Variants in USP26 observed in about 807,000 individuals in gnomAD.
USP26 encodes ubiquitin specific peptidase 26, also known as ubiquitin carboxyl-terminal hydrolase 26.
For missense variants in USP26, 649 were observed against 642.3 expected, an observed-to-expected ratio of 1.01 and a Z score of -0.11; for synonymous variants, 236 against 240.6, an observed-to-expected ratio of 0.98 and a Z score of 0.18.
chrX:133,083,232 A>G (rs2067576028), intron 5 of USP26, among the ~76,000 whole-genome samples: 1 of 112,265 alleles, frequency 8.9e-6, no homozygotes, highest in African/African-American at 3.2e-5. Context: ...AATTTTATAA[A>G]CATCCCTCTG....
At chrX:133,038,516 G>A (rs750543922) in intron 5 of USP26, among the ~76,000 whole-genome samples, 47 of 111,556 alleles carry the variant, frequency 4.2e-4, no homozygotes, top group African/African-American at 1.0e-3. Context: ...GGACGAAGCC[G>A]GCTTGATTGT....
Position 133,024,631 on chromosome X carries a change from T to G in USP26, c.*848A>C, listed in dbSNP as rs2148524242. On this transcript the variant is annotated 3_prime_UTR_variant, in exon 6 of 6. Coordinates refer to ENST00000511190, the MANE Select transcript of USP26 (RefSeq NM_031907.3). The stretch of plus-strand genomic sequence containing the variant: ...CCAAATTGCAGAGTATGATCAGAAG[T>G]GATTTTTGTGAGTTTGGCTTTTAAT... The G allele has an allele frequency of 8.9e-6, 1 of 112,419 alleles. No homozygotes were observed. Among genetic ancestry groups the G allele is most frequent in the South Asian group, 3.7e-4 (1 of 2,709 alleles). The allele number at this position is 112,419 out of a possible 1,213,427, so 9.3% of individuals were successfully genotyped here. A position where few individuals can be genotyped will look rare whatever the true frequency, so the allele number is the denominator to read the frequency against.
chrX:133,042,479 G>C (rs947433441), intron 5 of USP26, among the ~76,000 whole-genome samples: 11 of 111,504 alleles, frequency 9.9e-5, no homozygotes, highest in African/African-American at 3.6e-4. Context: ...TTTCCTGGGT[G>C]AAGTAATGCC....
rs749830910 is a variant in USP26 at position 133,026,384 on chromosome X, C to CT, written c.1836dup (p.Gly613ArgfsTer6). ...CTTGCCCCTTTAAAGACTGTCTGGC[C>CT]TTTTTTTTGTTCAGACTCCTTATCT... is the stretch of plus-strand genomic sequence containing the variant. On this transcript the variant is annotated frameshift_variant, in exon 6 of 6. Transcript: ENST00000511190. LOFTEE classifies it low-confidence loss of function (END_TRUNC). 35 of 1,201,159 alleles carry CT rather than the reference C, an allele frequency of 2.9e-5. No homozygotes were observed. Among genetic ancestry groups the CT allele is most frequent in the Admixed American group, 6.7e-5 (3 of 44,484 alleles).
At chrX:133,043,347 TC>T (rs1260461147) in intron 5 of USP26, among the ~76,000 whole-genome samples, 4 of 112,249 alleles carry the variant, frequency 3.6e-5, no homozygotes, top group Non-Finnish European at 5.6e-5. Context: ...GACACACAGG[TC>T]CTTTTCCCTC....
intron 5 of USP26, among the ~76,000 whole-genome samples, chrX:133,054,245 CTA>C (rs2067468734): frequency 9.0e-6 from 1 of 111,535 alleles, no homozygotes; most frequent in South Asian, 3.8e-4. Flanking sequence ...AATTCTTTAA[CTA>C]TAGATGGGGT....
chrX:133,067,855 A>G (rs1052954389), intron 5 of USP26, among the ~76,000 whole-genome samples: 8 of 111,934 alleles, frequency 7.1e-5, no homozygotes, highest in African/African-American at 2.6e-4. Flanking sequence ...GAACCTGCAC[A>G]TTCAGCACAT....
chrX:133,030,116 C>T (rs2067370902), intron 5 of USP26, among the ~76,000 whole-genome samples: 2 of 111,934 alleles, frequency 1.8e-5, no homozygotes, highest in Non-Finnish European at 3.8e-5. Context: ...TTTCTCACCC[C>T]CACACCAGAT....
At chrX:133,076,763 A>G (rs1602987380) in intron 5 of USP26, among the ~76,000 whole-genome samples, 1 of 111,907 alleles carries the variant, frequency 8.9e-6, no homozygotes, top group East Asian at 2.8e-4. Context: ...CAATAGCCAC[A>G]TGAGTGATCT....
chrX:133,032,193 ACC>A (rs2067379668), intron 5 of USP26, among the ~76,000 whole-genome samples: 1 of 110,764 alleles, frequency 9.0e-6, no homozygotes, highest in Non-Finnish European at 1.9e-5. Flanking sequence ...CAACCAACCA[ACC>A]AACCAAACAA....
At chrX:133,076,384 G>C (rs2067548545) in intron 5 of USP26, among the ~76,000 whole-genome samples, 1 of 111,048 alleles carries the variant, frequency 9.0e-6, no homozygotes, top group South Asian at 3.9e-4. Flanking sequence ...GTACTCAGAA[G>C]AGAGTACTGC....
intron 5 of USP26, among the ~76,000 whole-genome samples, chrX:133,029,351 A>G (rs2067367817): frequency 8.9e-6 from 1 of 112,677 alleles, no homozygotes; most frequent in African/African-American, 3.2e-5. Context: ...TTGGTGAAAC[A>G]TAAATTAATG....
chrX:133,039,858 T>A (rs917459706), intron 5 of USP26, among the ~76,000 whole-genome samples: 4 of 111,959 alleles, frequency 3.6e-5, no homozygotes, highest in Admixed American at 9.5e-5. Flanking sequence ...GAACTTTTTT[T>A]ATGAATCTGG....
At chrX:133,063,616 A>G (rs911736873) in intron 5 of USP26, among the ~76,000 whole-genome samples, 3 of 111,529 alleles carry the variant, frequency 2.7e-5, no homozygotes, top group Non-Finnish European at 3.8e-5. Flanking sequence ...AGAATTTCAT[A>G]TCCAGACAAA....
In USP26 at chrX:133,026,675, T is replaced by C; in HGVS notation, c.1546A>G (p.Ile516Val). 8.3e-7 allele frequency: 1 copy of C among 1,210,532 alleles called. No individual in the cohort carries two copies. Among genetic ancestry groups the C allele is most frequent in the Middle Eastern group, 2.3e-4 (1 of 4,348 alleles). Residue 516 changes from isoleucine to valine, a missense_variant, in exon 6 of 6, where the codon ATC becomes GTC. Ile to Val is a conservative substitution (Grantham distance 29). Coordinates refer to ENST00000511190, the MANE Select transcript of USP26 (RefSeq NM_031907.3). ...TAGCGTTTGAGGTGAACAATAAGGATTCTAGGTAGCCTACTGAATGAGTGC... is the reference window on the plus strand; with the variant it reads ...TAGCGTTTGAGGTGAACAATAAGGACTCTAGGTAGCCTACTGAATGAGTGC... Reference protein sequence around the residue: ...GVHSFSRLPRILIVHLKRYSL... With the variant: ...GVHSFSRLPRVLIVHLKRYSL...
At chrX:133,087,006 G>A (rs1162425547) in intron 4 of USP26, among the ~76,000 whole-genome samples, 1 of 110,049 alleles carries the variant, frequency 9.1e-6, no homozygotes, top group Non-Finnish European at 1.9e-5. Context: ...CCAAGAGCTG[G>A]GTAATTATTG....
chrX:133,094,920 C>A (rs776745703), intron 1 of USP26, among the ~76,000 whole-genome samples: 12 of 109,835 alleles, frequency 1.1e-4, no homozygotes, highest in Non-Finnish European at 2.3e-4. Flanking sequence ...CTTGGTGAAA[C>A]CCCGTCTCTA....
At chrX:133,054,978 G>A (rs993706518) in intron 5 of USP26, among the ~76,000 whole-genome samples, 1 of 112,128 alleles carries the variant, frequency 8.9e-6, no homozygotes, top group Admixed American at 9.5e-5. Flanking sequence ...GCAGATGGCT[G>A]GAACTCCAGT....
intron 5 of USP26, among the ~76,000 whole-genome samples, chrX:133,032,378 A>G (rs757517069): frequency 9.0e-6 from 1 of 111,646 alleles, no homozygotes; most frequent in Admixed American, 9.5e-5. Flanking sequence ...AGGAAGAGTA[A>G]ATGAAAAGGT....
Sources: gnomAD v4.1 joint callset for allele counts (sites outside exome capture counted in the v4.1 genomes callset) on GRCh38, gnomAD v4.1.1 for gene constraint, MANE v1.5 for transcripts, NCBI Gene and HGNC (gene_info 2026-07-23, HGNC 2026-07-21) for gene names.